Variants in XPR1 observed in about 807,000 individuals in gnomAD.
XPR1 encodes solute carrier family 53 member 1.
A neutral mutation model predicts 87.5 loss-of-function variants in XPR1; 28 were observed. The ratio of observed to expected loss-of-function variants is 0.32; its 90% CI spans 0.24 to 0.44. The LOEUF (loss-of-function observed/expected upper bound fraction) is 0.44. Ranked by LOEUF, XPR1 falls within the 20% of genes least tolerant of loss-of-function variation. The pLI is 1.00. For synonymous variants in XPR1, 300 were observed against 306.1 expected (o/e 0.98, Z 0.21); for missense variants, 559 against 862.3 (o/e 0.65, Z 4.41).
intron 11 of XPR1, among the ~76,000 whole-genome samples, chr1:180,837,494 T>G (rs751343585): frequency 4.6e-5 from 7 of 152,314 alleles, no homozygotes; most frequent in East Asian, 1.9e-4. Flanking sequence ...ATTGAGAGAC[T>G]ATATTTTAGG....
intron 2 of XPR1, among the ~76,000 whole-genome samples, chr1:180,767,012 A>T (rs1379392370): frequency 6.6e-6 from 1 of 152,222 alleles, no homozygotes; most frequent in East Asian, 1.9e-4. Context: ...AGCTCAAAAG[A>T]CAAAAAGTAA....
intron 12 of XPR1, 66 bp from the exon 13 acceptor site, chr1:180,873,736 CT>C: frequency 1.3e-6 from 2 of 1,556,140 alleles, no homozygotes; most frequent in Non-Finnish European, 1.8e-6. Flanking sequence ...AGGACATATG[CT>C]CATTGGTATG....
chr1:180,774,640 C>T (rs1648642295), intron 2 of XPR1, among the ~76,000 whole-genome samples: 1 of 151,882 alleles, frequency 6.6e-6, no homozygotes, highest in Non-Finnish European at 1.5e-5. Context: ...ATCTCCTGAC[C>T]TCGTGATCTG....
At chr1:180,691,006 T>C (rs556916017) in intron 2 of XPR1, among the ~76,000 whole-genome samples, 1 of 152,026 alleles carries the variant, frequency 6.6e-6, no homozygotes, top group Non-Finnish European at 1.5e-5. Context: ...GCCAAACATA[T>C]TATTAGTAGT....
intron 2 of XPR1, among the ~76,000 whole-genome samples, chr1:180,764,414 C>G (rs1310935954): frequency 6.6e-6 from 1 of 151,838 alleles, no homozygotes; most frequent in African/African-American, 2.4e-5. Context: ...GAAGAGGGTA[C>G]TAAACCTGTA....
chr1:180,674,810 A>G (rs1557950828), intron 1 of XPR1, among the ~76,000 whole-genome samples: 1 of 152,216 alleles, frequency 6.6e-6, no homozygotes, highest in Admixed American at 6.5e-5. Flanking sequence ...AGAGACAAGT[A>G]CTTGTAGAAT....
At chr1:180,702,289 G>A (rs1657368523) in intron 2 of XPR1, among the ~76,000 whole-genome samples, 1 of 126,070 alleles carries the variant, frequency 7.9e-6, no homozygotes, top group African/African-American at 3.1e-5. Flanking sequence ...TGATTGCACT[G>A]TGGTCTGAGA....
intron 2 of XPR1, among the ~76,000 whole-genome samples, chr1:180,770,721 A>G (rs1197584707): frequency 6.6e-6 from 1 of 152,102 alleles, no homozygotes; most frequent in Non-Finnish European, 1.5e-5. Flanking sequence ...GCACCAGATT[A>G]TTTTACTCCC....
At chr1:180,720,490 A>C (rs1658145829) in intron 2 of XPR1, among the ~76,000 whole-genome samples, 1 of 152,230 alleles carries the variant, frequency 6.6e-6, no homozygotes, top group African/African-American at 2.4e-5. Context: ...AGCAGCATTT[A>C]TAAATTGATG....
At chr1:180,829,523 G>A (rs564503838) in intron 9 of XPR1, among the ~76,000 whole-genome samples, 3 of 152,224 alleles carry the variant, frequency 2.0e-5, no homozygotes, top group Middle Eastern at 3.4e-3. Flanking sequence ...CCTCTCACCC[G>A]GCCTCTGACA....
At chr1:180,727,674 C>T (rs1186120882) in intron 2 of XPR1, among the ~76,000 whole-genome samples, 1 of 152,074 alleles carries the variant, frequency 6.6e-6, no homozygotes, top group African/African-American at 2.4e-5. Flanking sequence ...CAACAAAAAA[C>T]GAAAGAAAGT....
rs1390214295 is a variant in XPR1, at chr1:180,668,146, T to TA, written c.70-14212dup. 5.0e-5 allele frequency among the ~76,000 whole-genome samples: 7 copies of TA among 140,616 alleles called. No homozygotes were observed. In the East Asian group the frequency reaches 1.4e-3, roughly 27 times the overall value. 92.2% of individuals were successfully genotyped at this position (140,616 alleles called of 152,430 possible). The stretch of plus-strand genomic sequence containing the variant: ...ATCTTTTTTTTTTTTTTTTTTTTTT[T>TA]AAGACAGAGTCTTGCTCTGTTGCCT... On this transcript the variant is annotated intron_variant, in intron 1 of 14. Transcript: ENST00000367590.
At chr1:180,735,878 A>T (rs978458455) in intron 2 of XPR1, among the ~76,000 whole-genome samples, 1 of 152,098 alleles carries the variant, frequency 6.6e-6, no homozygotes, top group Non-Finnish European at 1.5e-5. Flanking sequence ...ACTGAGATGG[A>T]TGGTCACATA....
intron 4 of XPR1, among the ~76,000 whole-genome samples, chr1:180,804,434 T>C (rs1649913989): frequency 6.6e-6 from 1 of 152,244 alleles, no homozygotes; most frequent in Admixed American, 6.5e-5. Context: ...TGGGCTGCAA[T>C]AAAATCATAT....
At chr1:180,739,586 T>C (rs931643530) in intron 2 of XPR1, among the ~76,000 whole-genome samples, 2 of 152,222 alleles carry the variant, frequency 1.3e-5, no homozygotes, top group African/African-American at 4.8e-5. Context: ...CATTTAGGTC[T>C]TCTTTGATAA....
intron 1 of XPR1, among the ~76,000 whole-genome samples, chr1:180,679,459 C>A (rs1656487971): frequency 6.6e-6 from 1 of 152,094 alleles, no homozygotes; most frequent in East Asian, 1.9e-4. Flanking sequence ...AATTATCTAG[C>A]CCAAAATGCT....
At chr1:180,679,023 G>T (rs1026527838) in intron 1 of XPR1, among the ~76,000 whole-genome samples, 1 of 151,802 alleles carries the variant, frequency 6.6e-6, no homozygotes, top group African/African-American at 2.4e-5. Flanking sequence ...GTGAAACCCC[G>T]TCTCTACTAA....
chr1:180,764,422 G>T (rs955576712), intron 2 of XPR1, among the ~76,000 whole-genome samples: 1 of 151,522 alleles, frequency 6.6e-6, no homozygotes, highest in Non-Finnish European at 1.5e-5. Context: ...TACTAAACCT[G>T]TAATCTTTTT....
intron 5 of XPR1, 43 bp from the exon 6 acceptor site, chr1:180,806,431 G>A (rs964539206): frequency 6.3e-7 from 1 of 1,598,464 alleles, no homozygotes; most frequent in African/African-American, 1.3e-5. Context: ...CATCACTCAA[G>A]TTTAGTATAA....
Sources: allele counts gnomAD v4.1 joint callset (sites outside exome capture counted in the v4.1 genomes callset), GRCh38; gene constraint gnomAD v4.1.1; transcripts MANE v1.5; gene names NCBI Gene and HGNC (gene_info 2026-07-23, HGNC 2026-07-21).